SCAPER: variants seen among roughly 807,000 people sequenced by gnomAD.
SCAPER encodes the protein S phase cyclin A-associated protein in the endoplasmic reticulum.
Under a neutral mutation model 182.2 loss-of-function variants are expected in SCAPER, and 98 were observed. The ratio of observed to expected loss-of-function variants is 0.54; its 90% confidence interval spans 0.46 to 0.64. SCAPER has a LOEUF of 0.64. SCAPER is among the 30% of genes least tolerant of loss of function. SCAPER has a pLI of 0.00. For synonymous variants in SCAPER, 605 were observed against 564.6 expected (o/e 1.07, Z -1.01); for missense variants, 1,432 against 1,690.0 (o/e 0.85, Z 2.68).
At chr15:76,768,614 T>C (rs1399407572) in intron 10 of SCAPER, among the ~76,000 whole-genome samples, 1 of 152,094 alleles carries the variant, frequency 6.6e-6, no homozygotes, top group Non-Finnish European at 1.5e-5. Context: ...ATGGAGAATA[T>C]ACTAAAAAAC....
intron 17 of SCAPER, among the ~76,000 whole-genome samples, chr15:76,717,437 C>G (rs2059947687): frequency 6.6e-6 from 1 of 151,960 alleles, no homozygotes; most frequent in Non-Finnish European, 1.5e-5. Flanking sequence ...ATTATGAAGG[C>G]TAAAGTCAAA....
intron 22 of SCAPER, among the ~76,000 whole-genome samples, chr15:76,578,504 A>G (rs895973091): frequency 6.6e-6 from 1 of 152,062 alleles, no homozygotes; most frequent in Admixed American, 6.5e-5. Flanking sequence ...AGCTCAGCAC[A>G]GAGAGAGAGA....
chr15:76,551,854 C>A (rs1267571041), intron 23 of SCAPER, among the ~76,000 whole-genome samples: 2 of 152,028 alleles, frequency 1.3e-5, no homozygotes, highest in Admixed American at 6.6e-5. Context: ...ATATAAAATA[C>A]AACTTCAGCT....
intron 23 of SCAPER, among the ~76,000 whole-genome samples, chr15:76,521,997 T>C (rs903258956): frequency 5.3e-5 from 8 of 152,180 alleles, no homozygotes; most frequent in African/African-American, 1.9e-4. Flanking sequence ...ATTTTACTGC[T>C]TTTGTAGAGA....
At chr15:76,643,662 A>G (rs1229348290) in intron 21 of SCAPER, among the ~76,000 whole-genome samples, 1 of 152,196 alleles carries the variant, frequency 6.6e-6, no homozygotes, top group East Asian at 1.9e-4. Context: ...GGCCCAGGTG[A>G]CAGGGCGAAA....
Position 76,756,152 on chromosome 15 carries a change from G to A in SCAPER, c.1726-2204C>T, listed in dbSNP as rs184935271. Among the ~76,000 whole-genome samples, 340 of 148,222 alleles carry A rather than the reference G, an allele frequency of 2.3e-3. 1 individual carries two copies. The highest frequency in any genetic ancestry group is 8.2e-3 in the African/African-American group (327 of 40,076). On this transcript the variant is annotated intron_variant, in intron 14 of 31. Coordinates refer to ENST00000563290, the MANE Select transcript of SCAPER (RefSeq NM_020843.4). ...CCAGATACTCAAGAGGCTGAGGCAG[G>A]AGAATCGCTTGAACTCGGGAGGTGG...
chr15:76,855,819 C>T (rs772083339), intron 4 of SCAPER: 3 of 420,520 alleles, frequency 7.1e-6, no homozygotes, highest in South Asian at 5.2e-5. Flanking sequence ...CACGCTATTG[C>T]TGGGAGTGTA....
chr15:76,424,782 T>C (rs1241101575), intron 26 of SCAPER, among the ~76,000 whole-genome samples: 1 of 152,214 alleles, frequency 6.6e-6, no homozygotes, highest in African/African-American at 2.4e-5. Context: ...TGTTTAGTGC[T>C]TCCTTCAGGA....
intron 26 of SCAPER, among the ~76,000 whole-genome samples, chr15:76,405,764 T>C (rs1054072679): frequency 1.3e-5 from 2 of 152,224 alleles, no homozygotes; most frequent in African/African-American, 4.8e-5. Context: ...ACTGCAAATA[T>C]AGCAGTTCTG....
Position 76,804,559 on chromosome 15 carries a change from CT to C in SCAPER, c.467del (p.Lys156SerfsTer2). 6.2e-7 allele frequency: 1 copy of C among 1,611,292 alleles called. No individual in the cohort carries two copies. The highest frequency in any genetic ancestry group is 8.5e-7 in the Non-Finnish European group (1 of 1,179,004). On this transcript the variant is annotated frameshift_variant, in exon 6 of 32. Coordinates refer to ENST00000563290, the MANE Select transcript of SCAPER (RefSeq NM_020843.4). LOFTEE classifies it high-confidence loss of function. ...ALIDWIQLQEKLEKTDAQSRP... is the reference protein window; with the variant it reads ...ALIDWIQLQEXLEKTDAQSRP... ...TGCTTTGAGCATCTGTCTTCTCTAG[CT>C]TTTCCTGAAGCTGAATCCAGTCAAT...
chr15:76,425,515 G>A (rs550379201), intron 26 of SCAPER, among the ~76,000 whole-genome samples: 3 of 152,208 alleles, frequency 2.0e-5, no homozygotes, highest in South Asian at 2.1e-4. Flanking sequence ...TTAGCCATTC[G>A]TCTAATCTTT....
chr15:76,352,233 T>C (rs1197332763), intron 30 of SCAPER, among the ~76,000 whole-genome samples: 2 of 152,220 alleles, frequency 1.3e-5, no homozygotes, highest in East Asian at 1.9e-4. Context: ...ACAGCACTTA[T>C]TGCCATAGCA....
chr15:76,699,190 T>C (rs571575508), intron 20 of SCAPER, among the ~76,000 whole-genome samples: 1 of 152,324 alleles, frequency 6.6e-6, no homozygotes, highest in South Asian at 2.1e-4. Flanking sequence ...TTTCCAGGTA[T>C]AGAATTATAT....
intron 25 of SCAPER, among the ~76,000 whole-genome samples, chr15:76,461,896 C>T (rs1016465037): frequency 1.3e-5 from 2 of 152,164 alleles, no homozygotes; most frequent in Admixed American, 1.3e-4. Flanking sequence ...TTGTTGGACT[C>T]AAACTGCAAA....
intron 9 of SCAPER, among the ~76,000 whole-genome samples, chr15:76,773,695 T>C (rs1322343563): frequency 6.6e-6 from 1 of 151,898 alleles, no homozygotes. Context: ...GGAAACAATG[T>C]TAAGAGTCAT....
chr15:76,783,007 C>A (rs2064276444), intron 8 of SCAPER, among the ~76,000 whole-genome samples: 1 of 152,082 alleles, frequency 6.6e-6, no homozygotes, highest in Admixed American at 6.5e-5. Flanking sequence ...CAAAAGCTAG[C>A]AGAAGTCAAG....
rs149553452 is a variant in SCAPER, at chr15:76,415,037, A to G, written c.3312-10358T>C. On this transcript the variant is annotated intron_variant, in intron 26 of 31. Transcript: ENST00000563290. ...AATCCAGACTCATACAATGACTGAC[A>G]AACAATGCTCAACCTCACTAGTGAT... Among the ~76,000 whole-genome samples the G allele has an allele frequency of 6.1e-4, 93 of 152,324 alleles. 1 individual carries two copies. In the East Asian group the frequency reaches 0.014, roughly 23 times the overall value.
chr15:76,571,157 T>C (rs1803443670), intron 23 of SCAPER, among the ~76,000 whole-genome samples: 1 of 152,204 alleles, frequency 6.6e-6, no homozygotes, highest in African/African-American at 2.4e-5. Context: ...CACATGCTTT[T>C]TGGGGCAATT....
At chr15:76,898,030 G>C (rs538949037) in intron 1 of SCAPER, among the ~76,000 whole-genome samples, 1 of 152,252 alleles carries the variant, frequency 6.6e-6, no homozygotes, top group African/African-American at 2.4e-5. Context: ...AGCCAACAGA[G>C]AGCAACCAAG....
Sources: allele counts gnomAD v4.1 joint callset (sites outside exome capture counted in the v4.1 genomes callset), GRCh38; gene constraint gnomAD v4.1.1; transcripts MANE v1.5; gene names NCBI Gene and HGNC (gene_info 2026-07-23, HGNC 2026-07-21).